The following SNRK variants were observed in gnomAD, a reference collection of about 807,000 sequenced individuals.
The protein encoded by SNRK is SNF related kinase.
A neutral mutation model predicts 48.2 loss-of-function variants in SNRK; 3 were observed. The ratio of observed to expected loss-of-function variants is 0.06; its 90% confidence interval spans 0.03 to 0.16. The LOEUF is 0.16. SNRK is among the 10% of genes least tolerant of loss of function. The pLI is 1.00. For missense variants in SNRK, 627 were observed against 976.0 expected (o/e 0.64, Z 4.76); for synonymous variants, 376 against 366.1 (o/e 1.03, Z -0.31).
At chr3:43,304,471 C>T (rs1575536149) in intron 3 of SNRK, among the ~76,000 whole-genome samples, 1 of 152,202 alleles carries the variant, frequency 6.6e-6, no homozygotes, top group East Asian at 1.9e-4. Flanking sequence ...TCCCTCTCCA[C>T]ACACTTTGTG....
chr3:43,314,769 G>T (rs2091002438), intron 3 of SNRK, among the ~76,000 whole-genome samples: 1 of 152,198 alleles, frequency 6.6e-6, no homozygotes, highest in African/African-American at 2.4e-5. Flanking sequence ...ATGAAGTCAG[G>T]CCTCGTAGTG....
intron 3 of SNRK, among the ~76,000 whole-genome samples, chr3:43,309,544 A>G (rs2090963383): frequency 6.6e-6 from 1 of 152,128 alleles, no homozygotes; most frequent in African/African-American, 2.4e-5. Context: ...ATCAACATCA[A>G]GGCAGGAACT....
chr3:43,341,880 A>C (rs1052710518), intron 5 of SNRK, among the ~76,000 whole-genome samples: 2 of 152,258 alleles, frequency 1.3e-5, no homozygotes, highest in African/African-American at 4.8e-5. Flanking sequence ...AAATAAACCC[A>C]GGTTCTTAAT....
chr3:43,328,961 T>C (rs1327328962), intron 3 of SNRK, among the ~76,000 whole-genome samples: 1 of 152,258 alleles, frequency 6.6e-6, no homozygotes, highest in Non-Finnish European at 1.5e-5. Flanking sequence ...TTCTCTGTGC[T>C]GAATACTTAG....
At position 43,350,752 on chromosome 3, in the gene SNRK, G is replaced by C. The variant is rs1453458062; in HGVS notation, c.*2195G>C. The C allele has an allele frequency of 2.0e-5, 3 of 152,534 alleles. No homozygotes were observed. The highest frequency in any genetic ancestry group is 4.4e-5 in the Non-Finnish European group (3 of 68,030). 9.4% of individuals were successfully genotyped at this position (152,534 alleles called of 1,614,324 possible). A position where few individuals can be genotyped will look rare whatever the true frequency, so the allele number is the denominator to read the frequency against. ...TAATATTGGACCAAACTACTTACTTGCTCTAAACAGTTACTTGTACCCCTT... is the reference window on the plus strand; with the variant it reads ...TAATATTGGACCAAACTACTTACTTCCTCTAAACAGTTACTTGTACCCCTT... On this transcript the variant is annotated 3_prime_UTR_variant, in exon 7 of 7. Transcript: ENST00000296088.
chr3:43,302,727 T>G (rs2090907088), intron 2 of SNRK, among the ~76,000 whole-genome samples: 2 of 152,084 alleles, frequency 1.3e-5, no homozygotes, highest in South Asian at 4.1e-4. Context: ...ATGTTTATTC[T>G]TTGTGTTTTC....
intron 3 of SNRK, among the ~76,000 whole-genome samples, chr3:43,313,207 C>T (rs975665044): frequency 5.3e-5 from 8 of 152,152 alleles, no homozygotes; most frequent in African/African-American, 1.9e-4. Context: ...TGCAATTGCA[C>T]TCCTGGGTGT....
intron 3 of SNRK, among the ~76,000 whole-genome samples, chr3:43,316,777 C>G (rs2091016306): frequency 6.6e-6 from 1 of 152,034 alleles, no homozygotes; most frequent in Non-Finnish European, 1.5e-5. Context: ...CTCCCCACCC[C>G]CTTGGAAACT....
At position 43,350,418 on chromosome 3, in the gene SNRK, T is replaced by TA. The variant is rs933095094; in HGVS notation, c.*1862dup. On this transcript the variant is annotated 3_prime_UTR_variant, in exon 7 of 7. Coordinates refer to ENST00000296088, the MANE Select transcript of SNRK (RefSeq NM_017719.5). ...GCAGCTGTTTTCCAAGCAGTGTAAA[T>TA]ACTTTTTCCTGTGATTATGTATAGC... 3.9e-5 allele frequency: 6 copies of TA among 152,688 alleles called. No individual in the cohort carries two copies. Among genetic ancestry groups the TA allele is most frequent in the African/African-American group, 1.2e-4 (5 of 41,466 alleles). 9.5% of individuals were successfully genotyped at this position (152,688 alleles called of 1,614,324 possible).
At chr3:43,311,351 C>G (rs1213172874) in intron 3 of SNRK, among the ~76,000 whole-genome samples, 1 of 152,136 alleles carries the variant, frequency 6.6e-6, no homozygotes, top group African/African-American at 2.4e-5. Flanking sequence ...GCTCCCCCAG[C>G]TGGGTTTTGG....
intron 1 of SNRK, among the ~76,000 whole-genome samples, chr3:43,298,914 A>C (rs2090877794): frequency 6.6e-6 from 1 of 152,044 alleles, no homozygotes; most frequent in Non-Finnish European, 1.5e-5. Context: ...AGTGATTTCC[A>C]CTTGCCTTCT....
intron 3 of SNRK, 27 bp from the exon 4 acceptor site, chr3:43,332,142 A>G: frequency 6.7e-7 from 1 of 1,495,670 alleles, no homozygotes; most frequent in Non-Finnish European, 8.9e-7. Flanking sequence ...TTAGTCCAAT[A>G]TTTTAAAGTA....
chr3:43,344,548 A>ATGCT (rs1559471676), intron 6 of SNRK, among the ~76,000 whole-genome samples: 59 of 152,278 alleles, frequency 3.9e-4, no homozygotes, highest in African/African-American at 1.2e-3. Context: ...CTTGGGTGGA[A>ATGCT]TGGCAGAGTA....
chr3:43,338,728 TC>T (rs1309185380), intron 4 of SNRK, among the ~76,000 whole-genome samples: 5 of 144,482 alleles, frequency 3.5e-5, no homozygotes, highest in African/African-American at 1.2e-4. Flanking sequence ...TTACATTAAT[TC>T]TGTGTCTTTT....
At position 43,350,025 on chromosome 3, in the gene SNRK, G is replaced by T. The variant is rs2091311269; in HGVS notation, c.*1468G>T. ...ATCACCAAAGAACTGCATTGCTGTG[G>T]TCACTGTTTCTTCAAGTACACACTG... On this transcript the variant is annotated 3_prime_UTR_variant, in exon 7 of 7. Transcript: ENST00000296088. The T allele has an allele frequency of 6.6e-6, 1 of 152,170 alleles. No individual in the cohort carries two copies. The highest frequency in any genetic ancestry group is 1.5e-5 in the Non-Finnish European group (1 of 68,042). 9.4% of individuals were successfully genotyped at this position (152,170 alleles called of 1,614,324 possible).
intron 3 of SNRK, among the ~76,000 whole-genome samples, chr3:43,323,472 T>G (rs977360812): frequency 2.6e-5 from 4 of 152,214 alleles, no homozygotes; most frequent in African/African-American, 9.6e-5. Context: ...GGCAAGGGTG[T>G]GAATGGAGCA....
In SNRK at chr3:43,343,533, CTTTTT is replaced by C. The variant is rs372669640; in HGVS notation, c.1079+67_1079+71del. The C allele has an allele frequency of 1.1e-5, 15 of 1,307,652 alleles. No homozygotes were observed. The Admixed American group carries it at 2.6e-4, about 23-fold the overall frequency. The allele number at this position is 1,307,652 out of a possible 1,614,324, so 81.0% of individuals were successfully genotyped here. A position where few individuals can be genotyped will look rare whatever the true frequency, so the allele number is the denominator to read the frequency against. On this transcript the variant is annotated intron_variant, in intron 6 of 6. Transcript: ENST00000296088. ...AAGTTTAACGTTTTGAAATAGCGAA[CTTTTT>C]TTTTTTTTTTTAATGCTTCCTAACT...
At chr3:43,322,660 CTG>C (rs1434629607) in intron 3 of SNRK, among the ~76,000 whole-genome samples, 2 of 152,256 alleles carry the variant, frequency 1.3e-5, no homozygotes, top group African/African-American at 4.8e-5. Context: ...ATGATAAAGA[CTG>C]TATTGGTAGG....
chr3:43,302,770 C>G (rs150882555), intron 2 of SNRK, among the ~76,000 whole-genome samples: 29 of 151,858 alleles, frequency 1.9e-4, no homozygotes, highest in African/African-American at 6.0e-4. Flanking sequence ...TTTTAAGACA[C>G]TAAAATTCCT....
Sources: gnomAD v4.1 joint callset for allele counts (sites outside exome capture counted in the v4.1 genomes callset) on GRCh38, gnomAD v4.1.1 for gene constraint, MANE v1.5 for transcripts, NCBI Gene and HGNC (gene_info 2026-07-23, HGNC 2026-07-21) for gene names.